The following LDLRAD4 variants were observed in gnomAD, a reference collection of about 807,000 sequenced individuals.
LDLRAD4 encodes the protein low-density lipoprotein receptor class A domain-containing protein 4.
LDLRAD4 carries 5 observed loss-of-function variants against 17.0 expected under a neutral mutation model. The observed-to-expected ratio is 0.29, with a 90% CI of 0.15 to 0.62. LDLRAD4 has a LOEUF of 0.62. Ranked by LOEUF, LDLRAD4 falls within the 20% of genes least tolerant of loss-of-function variation. The probability of loss-of-function intolerance (pLI) is 0.84; values close to 1 mark genes in which losing one functional copy is unlikely to be tolerated. For missense variants in LDLRAD4, 340 were observed against 424.7 expected, an observed-to-expected ratio of 0.80 and a Z score of 1.75; for synonymous variants, 168 against 171.8, an observed-to-expected ratio of 0.98 and a Z score of 0.17.
At chr18:13,505,590 C>T (rs2093676844) in intron 3 of LDLRAD4, among the ~76,000 whole-genome samples, 3 of 152,090 alleles carry the variant, frequency 2.0e-5, no homozygotes, top group South Asian at 2.1e-4. Flanking sequence ...GAGGCCGAGG[C>T]GGGCGGATCA....
intron 1 of LDLRAD4, among the ~76,000 whole-genome samples, chr18:13,251,063 T>A (rs138616858): frequency 2.0e-5 from 3 of 152,322 alleles, no homozygotes; most frequent in African/African-American, 7.2e-5. Context: ...GATGCAAAGA[T>A]GGTTCAGTAT....
chr18:13,590,544 C>A (rs12457130), intron 3 of LDLRAD4, among the ~76,000 whole-genome samples: 1 of 152,222 alleles, frequency 6.6e-6, no homozygotes, highest in Non-Finnish European at 1.5e-5. Flanking sequence ...GCAACCCCTC[C>A]TCTGTCCAAC....
intron 3 of LDLRAD4, chr18:13,563,092 T>C (rs2094558331): frequency 6.6e-6 from 1 of 152,246 alleles, no homozygotes; most frequent in Admixed American, 6.5e-5. Context: ...GACCTGATGG[T>C]TTACCAAAGA....
intron 4 of LDLRAD4, among the ~76,000 whole-genome samples, chr18:13,639,153 T>C (rs1054257091): frequency 3.3e-5 from 5 of 152,240 alleles, no homozygotes; most frequent in Admixed American, 2.6e-4. Flanking sequence ...AATGTAAGCA[T>C]TAGCCAAGAA....
intron 3 of LDLRAD4, among the ~76,000 whole-genome samples, chr18:13,600,444 C>T (rs1601635299): frequency 2.0e-5 from 3 of 152,322 alleles, no homozygotes; most frequent in African/African-American, 7.2e-5. Flanking sequence ...GGACAGGTGG[C>T]ACTAGACCCT....
intron 3 of LDLRAD4, among the ~76,000 whole-genome samples, chr18:13,454,190 G>A (rs539720875): frequency 1.3e-5 from 2 of 152,238 alleles, no homozygotes; most frequent in East Asian, 3.9e-4. Flanking sequence ...TGTTCACGTG[G>A]AGGGAATGTT....
At chr18:13,643,045 C>T (rs1368635038) in intron 4 of LDLRAD4, among the ~76,000 whole-genome samples, 1 of 151,874 alleles carries the variant, frequency 6.6e-6, no homozygotes, top group African/African-American at 2.4e-5. Context: ...AAGCGATTCT[C>T]CTGCCTCACC....
chr18:13,568,419 A>G (rs944134248), intron 3 of LDLRAD4, among the ~76,000 whole-genome samples: 1 of 152,202 alleles, frequency 6.6e-6, no homozygotes, highest in Non-Finnish European at 1.5e-5. Context: ...CTTAGTGTCC[A>G]GCTCTGAGGT....
chr18:13,332,377 A>G (rs1019246855), intron 1 of LDLRAD4, among the ~76,000 whole-genome samples: 3 of 152,176 alleles, frequency 2.0e-5, no homozygotes, highest in Non-Finnish European at 2.9e-5. Context: ...ACAGTGGTAC[A>G]TTTGTTACAA....
At chr18:13,472,861 G>T (rs1038482613) in intron 3 of LDLRAD4, among the ~76,000 whole-genome samples, 1 of 152,150 alleles carries the variant, frequency 6.6e-6, no homozygotes, top group Non-Finnish European at 1.5e-5. Context: ...GAGCAAACAC[G>T]TACCTCTTTT....
intron 1 of LDLRAD4, among the ~76,000 whole-genome samples, chr18:13,376,227 A>G (rs1568069023): frequency 6.6e-6 from 1 of 152,224 alleles, no homozygotes; most frequent in South Asian, 2.1e-4. Context: ...GTTGGAATAA[A>G]TCGATTCCTA....
At chr18:13,448,000 A>C (rs1365918790) in intron 3 of LDLRAD4, among the ~76,000 whole-genome samples, 1 of 152,192 alleles carries the variant, frequency 6.6e-6, no homozygotes, top group Non-Finnish European at 1.5e-5. Flanking sequence ...GGGAGGGTGT[A>C]GGGAGAGGGG....
intron 3 of LDLRAD4, among the ~76,000 whole-genome samples, chr18:13,545,281 A>G (rs1338000404): frequency 1.3e-5 from 2 of 152,180 alleles, no homozygotes; most frequent in Non-Finnish European, 2.9e-5. Context: ...GCGCACGTTC[A>G]GGGCAGACGC....
intron 3 of LDLRAD4, among the ~76,000 whole-genome samples, chr18:13,518,551 T>C (rs1266336207): frequency 1.3e-5 from 2 of 152,246 alleles, no homozygotes; most frequent in Non-Finnish European, 2.9e-5. Flanking sequence ...ACTTCCCGTG[T>C]TTATGCTGGA....
chr18:13,443,036 C>T (rs1329859423), intron 3 of LDLRAD4, among the ~76,000 whole-genome samples: 1 of 152,104 alleles, frequency 6.6e-6, no homozygotes, highest in African/African-American at 2.4e-5. Flanking sequence ...TATATAGAGA[C>T]CTCATCAAAC....
chr18:13,394,502 C>T (rs1195874062), intron 2 of LDLRAD4, among the ~76,000 whole-genome samples: 3 of 152,080 alleles, frequency 2.0e-5, no homozygotes, highest in African/African-American at 4.8e-5. Flanking sequence ...ATATCCAAAG[C>T]AATTAAATAT....
At chr18:13,600,759 T>C (rs1216151379) in intron 3 of LDLRAD4, among the ~76,000 whole-genome samples, 1 of 152,214 alleles carries the variant, frequency 6.6e-6, no homozygotes, top group East Asian at 1.9e-4. Flanking sequence ...ATTGTAAAGG[T>C]ATTTGCAGTA....
At chr18:13,503,776 G>GT (rs1051373848) in intron 3 of LDLRAD4, among the ~76,000 whole-genome samples, 42 of 8,190 alleles carry the variant, frequency 5.1e-3, no homozygotes, top group African/African-American at 7.8e-3. Context: ...ACTGGCTCTT[G>GT]TTTTAAAAAA....
intron 3 of LDLRAD4, among the ~76,000 whole-genome samples, chr18:13,518,692 A>G (rs914064944): frequency 3.3e-5 from 5 of 152,206 alleles, no homozygotes; most frequent in Non-Finnish European, 7.3e-5. Flanking sequence ...CAGGGGGTCC[A>G]TGAATTTATA....
Sources: allele counts gnomAD v4.1 joint callset (sites outside exome capture counted in the v4.1 genomes callset), GRCh38; gene constraint gnomAD v4.1.1; transcripts MANE v1.5; gene names NCBI Gene and HGNC (gene_info 2026-07-23, HGNC 2026-07-21).